The following TRAF3 variants were observed in gnomAD, a reference collection of about 807,000 sequenced individuals.
TRAF3 encodes TNF receptor associated factor 3, also known as TNF receptor-associated factor 3.
Under a neutral mutation model 62.3 loss-of-function variants are expected in TRAF3, and 13 were observed. The observed-to-expected ratio is 0.21, with a 90% CI of 0.14 to 0.33. TRAF3 has a LOEUF of 0.33. TRAF3 is among the 10% of genes least tolerant of loss of function. The pLI, the probability that TRAF3 is intolerant of heterozygous loss-of-function variation, is 1.00. For missense variants in TRAF3, 440 were observed against 741.8 expected, an observed-to-expected ratio of 0.59 and a Z score of 4.73; for synonymous variants, 269 against 283.4, an observed-to-expected ratio of 0.95 and a Z score of 0.51.
At chr14:102,868,785 T>C (rs914953523) in intron 2 of TRAF3, among the ~76,000 whole-genome samples, 1 of 152,230 alleles carries the variant, frequency 6.6e-6, no homozygotes, top group African/African-American at 2.4e-5. Flanking sequence ...GTGTAATTTT[T>C]ACTAAAGCTC....
intron 1 of TRAF3, among the ~76,000 whole-genome samples, chr14:102,783,208 G>A (rs1457793121): frequency 6.6e-6 from 1 of 152,112 alleles, no homozygotes; most frequent in Non-Finnish European, 1.5e-5. Flanking sequence ...AATGTGTGTC[G>A]GCACTTGGGT....
chr14:102,892,780 G>A (rs1456141107), intron 9 of TRAF3, among the ~76,000 whole-genome samples: 1 of 152,198 alleles, frequency 6.6e-6, no homozygotes, highest in Non-Finnish European at 1.5e-5. Flanking sequence ...CCATAAGAGA[G>A]TGTTTCATGT....
At chr14:102,781,222 C>G (rs1897262807) in intron 1 of TRAF3, among the ~76,000 whole-genome samples, 1 of 152,198 alleles carries the variant, frequency 6.6e-6, no homozygotes, top group Non-Finnish European at 1.5e-5. Context: ...TGACGGCTTG[C>G]CATCCTGTCA....
chr14:102,873,977 G>A (rs920007192), intron 4 of TRAF3, among the ~76,000 whole-genome samples: 4 of 152,026 alleles, frequency 2.6e-5, no homozygotes, highest in Admixed American at 6.5e-5. Context: ...GAGTGAGAGG[G>A]AGCTGGGCAT....
At chr14:102,845,864 C>T (rs1203609149) in intron 2 of TRAF3, among the ~76,000 whole-genome samples, 3 of 151,314 alleles carry the variant, frequency 2.0e-5, no homozygotes, top group Non-Finnish European at 2.9e-5. Flanking sequence ...CTTGTAATCC[C>T]AGCTACTGGG....
intron 1 of TRAF3, among the ~76,000 whole-genome samples, chr14:102,827,220 C>T (rs184863058): frequency 3.2e-4 from 49 of 152,344 alleles, no homozygotes; most frequent in African/African-American, 7.7e-4. Context: ...TCCTCCTGTG[C>T]GGTGCCAAGC....
chr14:102,807,427 A>G (rs1286665565), intron 1 of TRAF3, among the ~76,000 whole-genome samples: 1 of 152,056 alleles, frequency 6.6e-6, no homozygotes, highest in East Asian at 1.9e-4. Context: ...CTCCTCAGCC[A>G]TCCCCACAGG....
At chr14:102,853,414 TC>T (rs1306995145) in intron 2 of TRAF3, among the ~76,000 whole-genome samples, 1 of 152,012 alleles carries the variant, frequency 6.6e-6, no homozygotes, top group Non-Finnish European at 1.5e-5. Context: ...ATCTGGATGT[TC>T]CCCCCACCAC....
chr14:102,833,330 A>G (rs1301926826), intron 2 of TRAF3, among the ~76,000 whole-genome samples: 2 of 152,218 alleles, frequency 1.3e-5, no homozygotes, highest in Non-Finnish European at 2.9e-5. Context: ...TCAACCAAGA[A>G]ATCTTTTTTT....
intron 9 of TRAF3, among the ~76,000 whole-genome samples, chr14:102,894,492 G>A (rs191666268): frequency 9.2e-5 from 14 of 152,302 alleles, no homozygotes; most frequent in Admixed American, 4.6e-4. Context: ...AGAGAACCTC[G>A]GACCTCCTGG....
At position 102,911,257 on chromosome 14, in the gene TRAF3, GC is replaced by G. The variant is rs1200911927; in HGVS notation, c.*5474del. 6.6e-6 allele frequency: 1 copy of G among 152,152 alleles called. No homozygotes were observed. Among genetic ancestry groups the G allele is most frequent in the African/African-American group, 2.4e-5 (1 of 41,426 alleles). The allele number at this position is 152,152 out of a possible 1,614,324, so 9.4% of individuals were successfully genotyped here. On this transcript the variant is annotated 3_prime_UTR_variant, in exon 12 of 12. Coordinates refer to ENST00000392745, the MANE Select transcript of TRAF3 (RefSeq NM_145725.3). ...CAAAAAGACCGTGAGTTATTGCCCAGCAATAATCATGTTGTTACTGTGAGTT... is the reference window on the plus strand; with the variant it reads ...CAAAAAGACCGTGAGTTATTGCCCAGAATAATCATGTTGTTACTGTGAGTT...
At chr14:102,879,717 T>TA (rs1566792515) in intron 6 of TRAF3, among the ~76,000 whole-genome samples, 1 of 151,762 alleles carries the variant, frequency 6.6e-6, no homozygotes, top group Non-Finnish European at 1.5e-5. Context: ...CTAAATACTT[T>TA]ATAATCTCTG....
intron 1 of TRAF3, among the ~76,000 whole-genome samples, chr14:102,803,120 G>A (rs1448823431): frequency 6.6e-6 from 1 of 152,222 alleles, no homozygotes; most frequent in Non-Finnish European, 1.5e-5. Context: ...GACACATGGA[G>A]ATTATGGGAA....
chr14:102,813,778 T>C (rs915915576), intron 1 of TRAF3, among the ~76,000 whole-genome samples: 1 of 152,160 alleles, frequency 6.6e-6, no homozygotes, highest in Non-Finnish European at 1.5e-5. Context: ...TTGGATTTTT[T>C]TTTTTTGCTG....
intron 1 of TRAF3, among the ~76,000 whole-genome samples, chr14:102,821,551 A>G (rs1232304965): frequency 6.6e-6 from 1 of 152,150 alleles, no homozygotes; most frequent in African/African-American, 2.4e-5. Flanking sequence ...TGTCTTTTAT[A>G]ATTATCCTTT....
intron 2 of TRAF3, among the ~76,000 whole-genome samples, chr14:102,861,177 A>G (rs1453105061): frequency 6.6e-6 from 1 of 152,192 alleles, no homozygotes; most frequent in African/African-American, 2.4e-5. Flanking sequence ...CATCAGCTCT[A>G]GTTTCCCCTT....
intron 6 of TRAF3, among the ~76,000 whole-genome samples, chr14:102,879,205 T>C (rs561215207): frequency 1.3e-5 from 2 of 152,168 alleles, no homozygotes; most frequent in East Asian, 3.9e-4. Context: ...ATGAAGTGAC[T>C]GAAGGGAGGC....
At chr14:102,827,400 A>G (rs1228969771) in intron 1 of TRAF3, among the ~76,000 whole-genome samples, 1 of 152,260 alleles carries the variant, frequency 6.6e-6, no homozygotes, top group African/African-American at 2.4e-5. Flanking sequence ...ATATTTGAAT[A>G]TGCATAATTG....
intron 1 of TRAF3, among the ~76,000 whole-genome samples, chr14:102,812,141 C>T (rs1899220407): frequency 6.6e-6 from 1 of 151,826 alleles, no homozygotes; most frequent in Admixed American, 6.6e-5. Context: ...CTAGCTCTCT[C>T]CCCATTTTTC....
Sources: allele counts gnomAD v4.1 joint callset (sites outside exome capture counted in the v4.1 genomes callset), GRCh38; gene constraint gnomAD v4.1.1; transcripts MANE v1.5; gene names NCBI Gene and HGNC (gene_info 2026-07-23, HGNC 2026-07-21).